Variants in COL21A1 observed in about 807,000 individuals in gnomAD.
COL21A1 encodes collagen type XXI alpha 1 chain.
A neutral mutation model predicts 137.9 loss-of-function variants in COL21A1; 149 were observed. The observed-to-expected ratio is 1.08, with a 90% CI of 0.95 to 1.24. The LOEUF is 1.24. Ranked by LOEUF, COL21A1 falls within the 50% of genes most tolerant of loss-of-function variation. The pLI is 0.00. For synonymous variants in COL21A1, 456 were observed against 391.5 expected (o/e 1.16, Z -1.95); for missense variants, 1,167 against 1,158.4 (o/e 1.01, Z -0.11).
At chr6:56,373,998 C>T (rs1239125419) in intron 1 of COL21A1, among the ~76,000 whole-genome samples, 1 of 152,230 alleles carries the variant, frequency 6.6e-6, no homozygotes, top group East Asian at 1.9e-4. Flanking sequence ...CAGATTCACA[C>T]CTTCCCAACT....
chr6:56,317,131 T>A (rs1241004688), intron 1 of COL21A1, among the ~76,000 whole-genome samples: 2 of 152,164 alleles, frequency 1.3e-5, no homozygotes, highest in Non-Finnish European at 2.9e-5. Flanking sequence ...TCTCTCCAGA[T>A]GTCAGGGTGG....
intron 1 of COL21A1, among the ~76,000 whole-genome samples, chr6:56,287,368 A>C (rs999424266): frequency 2.6e-5 from 4 of 152,176 alleles, no homozygotes; most frequent in Non-Finnish European, 5.9e-5. Flanking sequence ...CTGTGTCCCC[A>C]ACCAAATCTC....
At position 56,133,538 on chromosome 6, in the gene COL21A1, G is replaced by A. The variant is rs557988824; in HGVS notation, c.1543-7389C>T. Among the ~76,000 whole-genome samples the A allele has an allele frequency of 5.7e-4, 87 of 152,270 alleles. No homozygotes were observed. The Middle Eastern group carries it at 0.01, about 18-fold the overall frequency. On this transcript the variant is annotated intron_variant, in intron 12 of 29. Transcript: ENST00000244728. The stretch of plus-strand genomic sequence containing the variant: ...CATTTTCTGCGGAGAAATTTAAGCC[G>A]GCTGCAGGAATTTGCATAAGTAACA...
intron 1 of COL21A1, among the ~76,000 whole-genome samples, chr6:56,256,005 A>G (rs756609485): frequency 4.6e-5 from 7 of 152,228 alleles, no homozygotes; most frequent in Non-Finnish European, 8.8e-5. Context: ...AAGTCTAAGG[A>G]TATAAGAGGA....
chr6:56,284,801 C>T (rs1302530590), intron 1 of COL21A1, among the ~76,000 whole-genome samples: 1 of 152,162 alleles, frequency 6.6e-6, no homozygotes, highest in Non-Finnish European at 1.5e-5. Flanking sequence ...GTTCACCCTA[C>T]ACTTCACCCA....
chr6:56,385,696 T>C (rs1423930833), intron 1 of COL21A1, among the ~76,000 whole-genome samples: 1 of 152,158 alleles, frequency 6.6e-6, no homozygotes, highest in Non-Finnish European at 1.5e-5. Flanking sequence ...AAAGAAATCC[T>C]GTACCCATTG....
chr6:56,328,711 A>G (rs985353568), intron 1 of COL21A1, among the ~76,000 whole-genome samples: 4 of 152,134 alleles, frequency 2.6e-5, no homozygotes, highest in African/African-American at 9.7e-5. Flanking sequence ...GTTACTTTGT[A>G]AGTACTGAAC....
chr6:56,157,909 C>T (rs563428162), intron 9 of COL21A1, among the ~76,000 whole-genome samples: 2 of 152,244 alleles, frequency 1.3e-5, no homozygotes, highest in East Asian at 3.9e-4. Flanking sequence ...AAAACTTTAT[C>T]CTCAAAAACC....
chr6:56,088,849 T>C (rs748302986), intron 17 of COL21A1, among the ~76,000 whole-genome samples: 9 of 152,040 alleles, frequency 5.9e-5, no homozygotes, highest in Non-Finnish European at 1.0e-4. Context: ...TACAGTGGAG[T>C]GATCTCTGCT....
intron 1 of COL21A1, among the ~76,000 whole-genome samples, chr6:56,328,624 T>C (rs1019044331): frequency 6.6e-6 from 1 of 152,134 alleles, no homozygotes; most frequent in Admixed American, 6.6e-5. Context: ...GAAGCATTAA[T>C]ATGAGTCACA....
chr6:56,285,148 T>C (rs1582756140), intron 1 of COL21A1, among the ~76,000 whole-genome samples: 1 of 152,220 alleles, frequency 6.6e-6, no homozygotes, highest in Non-Finnish European at 1.5e-5. Flanking sequence ...CTTCATCCAA[T>C]GGATGCTATG....
intron 1 of COL21A1, among the ~76,000 whole-genome samples, chr6:56,291,830 T>A (rs1384004412): frequency 6.6e-6 from 1 of 152,202 alleles, no homozygotes; most frequent in East Asian, 1.9e-4. Flanking sequence ...CGTTCCCTAA[T>A]GCTGAAGATA....
chr6:56,242,324 CA>C (rs1175871695), intron 1 of COL21A1, among the ~76,000 whole-genome samples: 1 of 152,086 alleles, frequency 6.6e-6, no homozygotes, highest in Non-Finnish European at 1.5e-5. Context: ...GTAATTAATG[CA>C]AAAGACTAAA....
intron 10 of COL21A1, among the ~76,000 whole-genome samples, chr6:56,146,296 A>C (rs1311756826): frequency 6.6e-6 from 1 of 152,162 alleles, no homozygotes; most frequent in African/African-American, 2.4e-5. Flanking sequence ...TACACAGCCA[A>C]CGTAACTAGG....
intron 1 of COL21A1, among the ~76,000 whole-genome samples, chr6:56,323,324 T>C (rs1248841583): frequency 1.3e-5 from 2 of 152,174 alleles, no homozygotes; most frequent in East Asian, 3.9e-4. Context: ...TAATAGCTAA[T>C]TGGAAACAAA....
At chr6:56,169,130 C>T (rs1776830254) in intron 5 of COL21A1, among the ~76,000 whole-genome samples, 1 of 151,984 alleles carries the variant, frequency 6.6e-6, no homozygotes, top group Admixed American at 6.6e-5. Flanking sequence ...TTCAACTTGA[C>T]TCAAATTCAT....
intron 9 of COL21A1, among the ~76,000 whole-genome samples, chr6:56,162,181 A>G (rs1448595204): frequency 1.3e-5 from 2 of 152,218 alleles, no homozygotes; most frequent in Non-Finnish European, 2.9e-5. Flanking sequence ...TGTTTTTTAC[A>G]TACAGGTCCA....
intron 1 of COL21A1, among the ~76,000 whole-genome samples, chr6:56,213,052 T>A (rs1780269886): frequency 6.6e-6 from 1 of 152,082 alleles, no homozygotes; most frequent in Non-Finnish European, 1.5e-5. Context: ...CTCAGTTTTC[T>A]TTTCTATTAA....
intron 3 of COL21A1, among the ~76,000 whole-genome samples, chr6:56,172,275 G>T (rs1344641280): frequency 6.6e-6 from 1 of 152,012 alleles, no homozygotes; most frequent in Non-Finnish European, 1.5e-5. Flanking sequence ...TTTGAAAGCA[G>T]CAAGAAAAAA....
Sources: gnomAD v4.1 joint callset for allele counts (sites outside exome capture counted in the v4.1 genomes callset) on GRCh38, gnomAD v4.1.1 for gene constraint, MANE v1.5 for transcripts, NCBI Gene and HGNC (gene_info 2026-07-23, HGNC 2026-07-21) for gene names.